FAM120A: variants seen among roughly 807,000 people sequenced by gnomAD.
FAM120A encodes constitutive coactivator of PPAR-gamma-like protein 1.
FAM120A carries 15 observed loss-of-function variants against 109.7 expected under a neutral mutation model. The observed-to-expected ratio is 0.14, with a 90% CI of 0.09 to 0.21. FAM120A has a LOEUF of 0.21. Ranked by LOEUF, FAM120A falls within the 10% of genes least tolerant of loss-of-function variation. The pLI is 1.00. For synonymous variants in FAM120A, 493 were observed against 572.8 expected (o/e 0.86, Z 1.99); for missense variants, 899 against 1,439.3 (o/e 0.62, Z 6.07).
intron 14 of FAM120A, 44 bp from the exon 15 acceptor site, chr9:93,558,537 G>A: frequency 6.2e-7 from 1 of 1,608,596 alleles, no homozygotes; most frequent in Non-Finnish European, 8.5e-7. Flanking sequence ...CCTGAGTCCT[G>A]TCCCTTACAC....
In FAM120A at chr9:93,543,516, G is replaced by A. The variant is rs1185735106; in HGVS notation, c.2159+45G>A. The A allele has an allele frequency of 1.0e-5, 16 of 1,598,214 alleles. No homozygotes were observed. In the Admixed American group the frequency reaches 2.5e-4, roughly 25 times the overall value. ...GCTGGGACCTGGGTCCCCGCCAGGT[G>A]TAGGGGCCATGACCATGGTGTCAGA... On this transcript the variant is annotated intron_variant, in intron 11 of 17. Coordinates refer to ENST00000277165, the MANE Select transcript of FAM120A (RefSeq NM_014612.5).
intron 17 of FAM120A, among the ~76,000 whole-genome samples, chr9:93,563,404 G>T (rs1274650033): frequency 6.6e-6 from 1 of 152,240 alleles, no homozygotes; most frequent in African/African-American, 2.4e-5. Flanking sequence ...AGGGACATTT[G>T]GAGACGTTGA....
chr9:93,540,224 A>G (rs10821154), intron 10 of FAM120A, among the ~76,000 whole-genome samples: 42,395 of 152,152 alleles, frequency 0.28, 6,973 homozygotes, highest in East Asian at 0.42. Context: ...TAGATGTTCC[A>G]TAAATACTTA....
At chr9:93,526,443 A>G (rs1861083552) in intron 7 of FAM120A, among the ~76,000 whole-genome samples, 1 of 152,198 alleles carries the variant, frequency 6.6e-6, no homozygotes, top group Non-Finnish European at 1.5e-5. Flanking sequence ...AATGGGTAAC[A>G]GCACAGTTAC....
chr9:93,480,133 C>T (rs1858730563), intron 3 of FAM120A, among the ~76,000 whole-genome samples: 1 of 152,168 alleles, frequency 6.6e-6, no homozygotes, highest in Non-Finnish European at 1.5e-5. Flanking sequence ...CTTCTTCATA[C>T]CTCAATGGTA....
At chr9:93,524,835 C>T (rs1032234329) in intron 7 of FAM120A, among the ~76,000 whole-genome samples, 13 of 152,116 alleles carry the variant, frequency 8.5e-5, no homozygotes, top group African/African-American at 2.7e-4. Context: ...GCACAGTGCC[C>T]GGGTCACTGA....
At chr9:93,475,107 A>G (rs891893371) in intron 2 of FAM120A, among the ~76,000 whole-genome samples, 6 of 152,204 alleles carry the variant, frequency 3.9e-5, no homozygotes, top group African/African-American at 1.2e-4. Context: ...GTATTTGCAT[A>G]TGCCTAATGA....
At chr9:93,507,999 TGA>T (rs1860141533) in intron 5 of FAM120A, among the ~76,000 whole-genome samples, 1 of 152,050 alleles carries the variant, frequency 6.6e-6, no homozygotes, top group Non-Finnish European at 1.5e-5. Flanking sequence ...TGATGACTAC[TGA>T]GAGAGAGGGG....
chr9:93,556,727 C>T (rs762438284), intron 13 of FAM120A, 136 bp downstream of exon 13: 17 of 755,538 alleles, frequency 2.3e-5, no homozygotes, highest in Non-Finnish European at 3.2e-5. Context: ...TACTGAGTGT[C>T]ACTAAATATC....
intron 5 of FAM120A, among the ~76,000 whole-genome samples, chr9:93,504,550 A>G (rs868391086): frequency 6.6e-6 from 1 of 152,226 alleles, no homozygotes; most frequent in African/African-American, 2.4e-5. Flanking sequence ...TTTGTTTGTT[A>G]TGAAATAAAA....
rs577941744 is a variant in FAM120A, at chr9:93,471,620, A to C, written c.721+233A>C. On this transcript the variant is annotated intron_variant, in intron 2 of 17. Transcript: ENST00000277165. The stretch of plus-strand genomic sequence containing the variant: ...GTATTGTTCTATCCAGGAATTGTTC[A>C]GATTAATTTTGTGAAAAAACTCATT... 1.1e-3 allele frequency among the ~76,000 whole-genome samples: 169 copies of C among 152,244 alleles called. 1 individual carries two copies. Among genetic ancestry groups the C allele is most frequent in the Non-Finnish European group, 1.9e-3 (130 of 68,042 alleles).
chr9:93,544,585 CTTTT>C, intron 11 of FAM120A, among the ~76,000 whole-genome samples: 1 of 152,156 alleles, frequency 6.6e-6, no homozygotes, highest in East Asian at 1.9e-4. Flanking sequence ...ATACAGAAAC[CTTTT>C]TTTTAACTTA....
At position 93,529,336 on chromosome 9, in the gene FAM120A, T is replaced by C; in HGVS notation, c.1507-17T>C. 1 of 1,575,112 alleles carries C rather than the reference T, an allele frequency of 6.3e-7. No individual in the cohort carries two copies. Among genetic ancestry groups the C allele is most frequent in the Admixed American group, 1.9e-5 (1 of 53,962 alleles). ...GACATACACTCGTTTTCCTCCCTTC[T>C]GCTCTCTGCACTGTAGGCAGAAGGC... On this transcript the variant is annotated splice_polypyrimidine_tract_variant and intron_variant, in intron 8 of 17. Transcript: ENST00000277165.
intron 5 of FAM120A, among the ~76,000 whole-genome samples, chr9:93,511,160 C>T (rs1363357950): frequency 1.3e-5 from 2 of 152,096 alleles, no homozygotes; most frequent in South Asian, 2.1e-4. Context: ...TCACGTGCCA[C>T]GCAGGATGTG....
chr9:93,562,777 G>A (rs1471456361), intron 17 of FAM120A, among the ~76,000 whole-genome samples: 2 of 148,782 alleles, frequency 1.3e-5, no homozygotes, highest in Non-Finnish European at 3.0e-5. Context: ...CGATTCGCTT[G>A]CGTCAGCCTC....
chr9:93,552,244 T>C (rs553809050), intron 12 of FAM120A, among the ~76,000 whole-genome samples: 3 of 152,248 alleles, frequency 2.0e-5, no homozygotes, highest in African/African-American at 7.2e-5. Flanking sequence ...CATTTTTGGA[T>C]CAACACATAG....
intron 3 of FAM120A, among the ~76,000 whole-genome samples, chr9:93,495,733 G>T (rs1331462715): frequency 6.6e-6 from 1 of 152,202 alleles, no homozygotes; most frequent in African/African-American, 2.4e-5. Flanking sequence ...GATAAGGGTG[G>T]TGGTTGCTGG....
intron 10 of FAM120A, among the ~76,000 whole-genome samples, chr9:93,540,317 G>C (rs1003472473): frequency 1.3e-5 from 2 of 152,242 alleles, no homozygotes; most frequent in African/African-American, 4.8e-5. Flanking sequence ...GAGCGCCTTT[G>C]CTTCTGGAGC....
chr9:93,529,494 C>A lies in FAM120A; in HGVS notation c.1648C>A (p.Pro550Thr), dbSNP rs773559976. Residue 550 changes from proline (P) to threonine (T), a missense_variant, in exon 9 of 18, where the codon CCC becomes ACC. Pro to Thr is a conservative substitution (Grantham distance 38). Transcript: ENST00000277165. ...HMDITTPPLP[P>T]VAPEVLRVAE... is the part of the protein sequence containing the mutation. ...GGACATCACCACACCTCCCCTGCCC[C>A]CCGTCGCACCTGAGGTGCTGAGAGT... 1.2e-6 allele frequency: 2 copies of A among 1,614,092 alleles called. No homozygotes were observed. Among genetic ancestry groups the A allele is most frequent in the Non-Finnish European group, 1.7e-6 (2 of 1,180,046 alleles).
Sources: allele counts gnomAD v4.1 joint callset (sites outside exome capture counted in the v4.1 genomes callset), GRCh38; gene constraint gnomAD v4.1.1; transcripts MANE v1.5; gene names NCBI Gene and HGNC (gene_info 2026-07-23, HGNC 2026-07-21).